TBC1D2B: variants seen among roughly 807,000 people sequenced by gnomAD.
TBC1D2B encodes TBC1 domain family member 2B, also known as TBC1 domain family, member 2B.
Under a neutral mutation model 100.8 loss-of-function variants are expected in TBC1D2B, and 64 were observed. That is an observed-to-expected ratio of 0.64 (90% CI 0.52 to 0.78). TBC1D2B has a LOEUF of 0.78. Ranked by LOEUF, TBC1D2B falls within the 30% of genes least tolerant of loss-of-function variation. TBC1D2B has a pLI of 0.00. For synonymous variants in TBC1D2B, 480 were observed against 479.7 expected (o/e 1.00, Z -0.01); for missense variants, 1,052 against 1,218.4 (o/e 0.86, Z 2.03).
chr15:78,072,209 T>C (rs1364448108), intron 1 of TBC1D2B, among the ~76,000 whole-genome samples: 1 of 152,078 alleles, frequency 6.6e-6, no homozygotes, highest in African/African-American at 2.4e-5. Flanking sequence ...ATACACACAG[T>C]CCTTAGGGAG....
intron 3 of TBC1D2B, chr15:78,034,722 G>A (rs1024542840): frequency 1.1e-5 from 11 of 985,322 alleles, no homozygotes; most frequent in African/African-American, 1.7e-5. Context: ...CTGGAGGTGC[G>A]GTGCTACTTG....
At chr15:78,069,555 C>T (rs569202979) in intron 1 of TBC1D2B, among the ~76,000 whole-genome samples, 18 of 152,298 alleles carry the variant, frequency 1.2e-4, no homozygotes, top group African/African-American at 4.1e-4. Flanking sequence ...ACAGTCCAAA[C>T]GTGTGTCCCC....
intron 10 of TBC1D2B, among the ~76,000 whole-genome samples, chr15:78,007,777 C>T (rs2072106042): frequency 6.6e-6 from 1 of 152,202 alleles, no homozygotes. Context: ...ATGAAGGGAG[C>T]CGGTGGGGTC....
intron 2 of TBC1D2B, among the ~76,000 whole-genome samples, chr15:78,046,638 AT>A (rs563560683): frequency 2.5e-3 from 366 of 148,894 alleles, no homozygotes; most frequent in South Asian, 8.1e-3. Context: ...TAATTTTTGT[AT>A]TTTTTTTTTC....
chr15:78,012,716 A>C (rs1297886456), intron 9 of TBC1D2B, 107 bp downstream of exon 9: 1 of 1,253,948 alleles, frequency 8.0e-7, no homozygotes, highest in African/African-American at 1.5e-5. Context: ...TTTCTCTTAA[A>C]ATATTGACTT....
chr15:78,019,567 G>A (rs1300593385), intron 6 of TBC1D2B, among the ~76,000 whole-genome samples: 1 of 151,372 alleles, frequency 6.6e-6, no homozygotes, highest in Non-Finnish European at 1.5e-5. Context: ...CTTTCTACTG[G>A]TGTCTTAAAA....
chr15:78,046,384 T>A (rs1188130708), intron 2 of TBC1D2B, among the ~76,000 whole-genome samples: 1 of 139,712 alleles, frequency 7.2e-6, no homozygotes, highest in Non-Finnish European at 1.6e-5. Flanking sequence ...TACTTTACAA[T>A]AATCAATTTG....
intron 10 of TBC1D2B, 21 bp from the exon 11 acceptor site, chr15:78,003,511 AG>A: frequency 6.3e-7 from 1 of 1,594,460 alleles, no homozygotes; most frequent in South Asian, 1.1e-5. Flanking sequence ...AACAAAGGGG[AG>A]AAGTGTATCA....
chr15:78,029,858 C>T (rs1386834321), intron 4 of TBC1D2B, 149 bp downstream of exon 4: 4 of 498,178 alleles, frequency 8.0e-6, no homozygotes, highest in Non-Finnish European at 1.3e-5. Context: ...ATTTTTTAAG[C>T]CTTTATGTTT....
In TBC1D2B at chr15:78,016,768, TCAGA is replaced by T. The variant is rs546512970; in HGVS notation, c.1582-33_1582-30del. 1.9e-3 allele frequency: 2,763 copies of T among 1,483,900 alleles called. 1 individual carries two copies. The highest frequency in any genetic ancestry group is 2.5e-3 in the Admixed American group (98 of 39,498). The allele number at this position is 1,483,900 out of a possible 1,614,324, so 91.9% of individuals were successfully genotyped here. A position where few individuals can be genotyped will look rare whatever the true frequency, so the allele number is the denominator to read the frequency against. On this transcript the variant is annotated intron_variant, in intron 7 of 12. Coordinates refer to ENST00000300584, the MANE Select transcript of TBC1D2B (RefSeq NM_144572.2). ...CAGAGAATGTGGTGGTTACCTCCATTCAGACAGAGACACAGGAAGAGCAATCTTT... is the reference window on the plus strand; with the variant it reads ...CAGAGAATGTGGTGGTTACCTCCATTCAGAGACACAGGAAGAGCAATCTTT...
intron 1 of TBC1D2B, among the ~76,000 whole-genome samples, chr15:78,067,684 G>A (rs1171576134): frequency 1.3e-5 from 2 of 152,158 alleles, no homozygotes; most frequent in Non-Finnish European, 2.9e-5. Flanking sequence ...CTAGGAAAGG[G>A]GCAGAAAGAA....
In TBC1D2B at chr15:78,005,130, A is replaced by G. The variant is rs186074003; in HGVS notation, c.2389-1640T>C. 2.6e-4 allele frequency among the ~76,000 whole-genome samples: 39 copies of G among 152,318 alleles called. No homozygotes were observed. In the South Asian group the frequency reaches 4.4e-3, roughly 17 times the overall value. Reference sequence around the variant, plus strand: ...ATCCTTGTACACATCTCTTCTCCCAACTAGGAGGCAGACTGTGCCTCACTC... The same window carrying G: ...ATCCTTGTACACATCTCTTCTCCCAGCTAGGAGGCAGACTGTGCCTCACTC... On this transcript the variant is annotated intron_variant, in intron 10 of 12. Coordinates refer to ENST00000300584, the MANE Select transcript of TBC1D2B (RefSeq NM_144572.2).
chr15:78,048,559 T>C (rs890376401), intron 2 of TBC1D2B, among the ~76,000 whole-genome samples: 2 of 152,210 alleles, frequency 1.3e-5, no homozygotes, highest in African/African-American at 2.4e-5. Flanking sequence ...CTCTGTCTTT[T>C]TTAAACATTT....
In TBC1D2B at chr15:78,051,925, G is replaced by A. The variant is rs569567406; in HGVS notation, c.514+2109C>T. Among the ~76,000 whole-genome samples, 8 of 152,210 alleles carry A rather than the reference G, an allele frequency of 5.3e-5. No individual in the cohort carries two copies. The East Asian group carries it at 1.5e-3, about 29-fold the overall frequency. On this transcript the variant is annotated intron_variant, in intron 2 of 12. Transcript: ENST00000300584. ...TTATAGCCTCACATACTGCTCTGGG[G>A]CCCAAAGTTTCATTCCTTGTTCTTC...
At chr15:78,053,975 T>C in intron 2 of TBC1D2B, 59 bp downstream of exon 2, 4 of 1,508,352 alleles carry the variant, frequency 2.7e-6, no homozygotes, top group African/African-American at 1.4e-5. Flanking sequence ...TAAGTTCATA[T>C]GTGGTATCGA....
At chr15:78,027,161 A>G (rs1250490179) in intron 4 of TBC1D2B, among the ~76,000 whole-genome samples, 1 of 152,212 alleles carries the variant, frequency 6.6e-6, no homozygotes, top group Non-Finnish European at 1.5e-5. Flanking sequence ...TATAAGTGTG[A>G]TTTATATAAA....
rs1438076671 is a variant in TBC1D2B, at chr15:78,077,546, C to A, written c.107G>T (p.Arg36Leu). The A allele has an allele frequency of 1.4e-6, 2 of 1,473,738 alleles. No individual in the cohort carries two copies. Among genetic ancestry groups the A allele is most frequent in the Admixed American group, 4.7e-5 (2 of 42,276 alleles). 91.3% of individuals were successfully genotyped at this position (1,473,738 alleles called of 1,614,324 possible). A position where few individuals can be genotyped will look rare whatever the true frequency, so the allele number is the denominator to read the frequency against. ...PGAGPAREPA[R>L]LCGYLQKLSG... ...CAGCTTCTGCAGATAGCCACACAGCCGCGCTGGCTCCCGCGCCGGACCCGC... is the reference window on the plus strand; with the variant it reads ...CAGCTTCTGCAGATAGCCACACAGCAGCGCTGGCTCCCGCGCCGGACCCGC... Residue 36 changes from arginine to leucine, a missense_variant, in exon 1 of 13, where the codon CGG becomes CTG. Arg to Leu is a moderately radical substitution (Grantham distance 102). This residue lies in a region of TBC1D2B where 627 missense variants were observed against 646.1 expected (regional missense o/e 0.97). Coordinates refer to ENST00000300584, the MANE Select transcript of TBC1D2B (RefSeq NM_144572.2).
chr15:78,056,789 C>G (rs908567614), intron 1 of TBC1D2B, among the ~76,000 whole-genome samples: 2 of 147,922 alleles, frequency 1.4e-5, no homozygotes, highest in Non-Finnish European at 3.0e-5. Flanking sequence ...ATACTGTGAG[C>G]CCAGTCTGCC....
intron 7 of TBC1D2B, 96 bp from the exon 8 acceptor site, chr15:78,016,835 T>G (rs2072389942): frequency 1.0e-6 from 1 of 962,916 alleles, no homozygotes; most frequent in Non-Finnish European, 1.5e-6. Flanking sequence ...AACCCAAAAC[T>G]ATTAGGAAGT....
Sources: allele counts gnomAD v4.1 joint callset (sites outside exome capture counted in the v4.1 genomes callset), GRCh38; gene constraint gnomAD v4.1.1; regional missense constraint gnomAD v4.1.1; transcripts MANE v1.5; gene names NCBI Gene and HGNC (gene_info 2026-07-23, HGNC 2026-07-21).